RBFOX1: variants seen among roughly 807,000 people sequenced by gnomAD.
The protein encoded by RBFOX1 is RNA binding protein fox-1 homolog 1.
Under a neutral mutation model 57.7 loss-of-function variants are expected in RBFOX1, and 8 were observed. The ratio of observed to expected loss-of-function variants is 0.14; its 90% CI spans 0.08 to 0.25. The LOEUF is 0.25. RBFOX1 is among the 10% of genes least tolerant of loss of function. The pLI, the probability that RBFOX1 is intolerant of heterozygous loss-of-function variation, is 1.00. For synonymous variants in RBFOX1, 326 were observed against 222.4 expected, an observed-to-expected ratio of 1.47 and a Z score of -4.15; for missense variants, 611 against 548.5, an observed-to-expected ratio of 1.11 and a Z score of -1.14.
chr16:7,417,728 T>A (rs62015702), intron 4 of RBFOX1, among the ~76,000 whole-genome samples: 51,567 of 151,958 alleles, frequency 0.34, 10,717 homozygotes, highest in South Asian at 0.46. Context: ...TCCATCTTTA[T>A]AATTTTGTCA....
chr16:6,477,317 C>T (rs1173736509), intron 2 of RBFOX1, among the ~76,000 whole-genome samples: 1 of 152,166 alleles, frequency 6.6e-6, no homozygotes, highest in African/African-American at 2.4e-5. Context: ...AGATATATTT[C>T]CTAAATAATA....
intron 4 of RBFOX1, among the ~76,000 whole-genome samples, chr16:7,205,020 C>A (rs1331551145): frequency 1.3e-5 from 2 of 152,116 alleles, no homozygotes; most frequent in African/African-American, 4.8e-5. Context: ...CCATGTGTAA[C>A]AAGGGGAGGT....
chr16:5,283,728 A>G (rs2063326963), intron 1 of RBFOX1, among the ~76,000 whole-genome samples: 1 of 151,826 alleles, frequency 6.6e-6, no homozygotes, highest in South Asian at 2.1e-4. Flanking sequence ...CAGTGCCTAT[A>G]CCCCCATTGT....
intron 4 of RBFOX1, among the ~76,000 whole-genome samples, chr16:7,149,467 T>G (rs1404591571): frequency 2.1e-5 from 3 of 145,952 alleles, no homozygotes; most frequent in African/African-American, 7.5e-5. Flanking sequence ...CTCTTTCTTT[T>G]TCTTTTCTTT....
intron 3 of RBFOX1, among the ~76,000 whole-genome samples, chr16:5,624,451 C>T (rs1047162591): frequency 6.6e-6 from 1 of 152,362 alleles, no homozygotes; most frequent in Non-Finnish European, 1.5e-5. Flanking sequence ...CCCGCCTCGG[C>T]CTCCCAAAGT....
chr16:6,808,278 C>T (rs531951950), intron 3 of RBFOX1, among the ~76,000 whole-genome samples: 1 of 151,784 alleles, frequency 6.6e-6, no homozygotes, highest in South Asian at 2.1e-4. Flanking sequence ...GGAATTACCT[C>T]TTATCTTTTT....
intron 3 of RBFOX1, among the ~76,000 whole-genome samples, chr16:6,896,188 A>C (rs2066871068): frequency 1.3e-5 from 2 of 152,046 alleles, no homozygotes; most frequent in African/African-American, 4.8e-5. Flanking sequence ...CAGGAGAATC[A>C]CTTGAACCTG....
intron 3 of RBFOX1, among the ~76,000 whole-genome samples, chr16:6,994,945 TTGTG>T (rs145095044): frequency 0.061 from 9,044 of 148,050 alleles, 303 homozygotes; most frequent in African/African-American, 0.1. Flanking sequence ...TTGCATTATT[TTGTG>T]TGTGTGTGTG....
intron 4 of RBFOX1, among the ~76,000 whole-genome samples, chr16:7,141,999 TTCC>T (rs2073913469): frequency 2.8e-5 from 2 of 72,026 alleles, no homozygotes; most frequent in Admixed American, 2.2e-4. Context: ...CTCCTTCTTC[TTCC>T]TCCTTCTTCT....
At chr16:7,001,740 C>T (rs1317439618) in intron 3 of RBFOX1, among the ~76,000 whole-genome samples, 2 of 151,846 alleles carry the variant, frequency 1.3e-5, no homozygotes, top group East Asian at 3.9e-4. Context: ...CACAGGGATG[C>T]GTCAACACAC....
chr16:5,385,696 T>C (rs1448094390), intron 1 of RBFOX1, among the ~76,000 whole-genome samples: 3 of 152,184 alleles, frequency 2.0e-5, no homozygotes, highest in Admixed American at 6.5e-5. Context: ...TCCCTGAATT[T>C]TGTAGCCTCT....
At chr16:5,305,510 A>G (rs558505478) in intron 1 of RBFOX1, among the ~76,000 whole-genome samples, 1 of 152,256 alleles carries the variant, frequency 6.6e-6, no homozygotes, top group Non-Finnish European at 1.5e-5. Flanking sequence ...GTTTTACCCT[A>G]TTGATTAGAA....
chr16:7,031,060 G>A (rs748499986), intron 3 of RBFOX1, among the ~76,000 whole-genome samples: 9 of 152,176 alleles, frequency 5.9e-5, no homozygotes, highest in Non-Finnish European at 1.2e-4. Context: ...TGCTGATGCT[G>A]CTTCTTCCAA....
chr16:5,721,064 T>C (rs1867423554), intron 3 of RBFOX1, among the ~76,000 whole-genome samples: 1 of 152,178 alleles, frequency 6.6e-6, no homozygotes, highest in Non-Finnish European at 1.5e-5. Context: ...TGAATATGAA[T>C]TTTATTTTCA....
chr16:7,340,913 A>C (rs962050613), intron 4 of RBFOX1, among the ~76,000 whole-genome samples: 1 of 152,164 alleles, frequency 6.6e-6, no homozygotes, highest in Non-Finnish European at 1.5e-5. Context: ...AAGGCATGCT[A>C]TATCAGCAAC....
rs1567825214 is a variant in RBFOX1, at chr16:6,908,173, C to T, written c.-15-143884C>T. On this transcript the variant is annotated intron_variant, in intron 3 of 15. Transcript: ENST00000550418. ...CCTAACAATCTACTTCTCTGCATCC[C>T]TACATCCGTGCAGTTCAGATTATTA... Among the ~76,000 whole-genome samples, 4 of 151,846 alleles carry T rather than the reference C, an allele frequency of 2.6e-5. No individual in the cohort carries two copies. The South Asian group carries it at 8.3e-4, about 32-fold the overall frequency.
At chr16:6,107,351 GT>G (rs1418683983) in intron 1 of RBFOX1, among the ~76,000 whole-genome samples, 1 of 151,970 alleles carries the variant, frequency 6.6e-6, no homozygotes, top group Non-Finnish European at 1.5e-5. Context: ...GCATTAATAG[GT>G]GTTGCTTCTT....
At chr16:6,839,908 C>A (rs1051989090) in intron 3 of RBFOX1, among the ~76,000 whole-genome samples, 2 of 152,124 alleles carry the variant, frequency 1.3e-5, no homozygotes, top group Non-Finnish European at 2.9e-5. Flanking sequence ...TCTTAACTTT[C>A]AATTGCATTA....
intron 4 of RBFOX1, among the ~76,000 whole-genome samples, chr16:7,380,551 T>A (rs2147919417): frequency 6.6e-6 from 1 of 152,320 alleles, no homozygotes; most frequent in South Asian, 2.1e-4. Flanking sequence ...GTTTCCCTAT[T>A]GATAGACATT....
Sources: allele counts gnomAD v4.1 joint callset (sites outside exome capture counted in the v4.1 genomes callset), GRCh38; gene constraint gnomAD v4.1.1; transcripts MANE v1.5; gene names NCBI Gene and HGNC (gene_info 2026-07-23, HGNC 2026-07-21).